The following SLC24A2 variants were observed in gnomAD, a reference collection of about 807,000 sequenced individuals.
SLC24A2 encodes solute carrier family 24 member 2, also known as sodium/potassium/calcium exchanger 2.
A neutral mutation model predicts 62.0 loss-of-function variants in SLC24A2; 36 were observed. The ratio of observed to expected loss-of-function variants is 0.58; its 90% CI spans 0.44 to 0.77. SLC24A2 has a LOEUF of 0.77. Ranked by LOEUF, SLC24A2 falls within the 30% of genes least tolerant of loss-of-function variation. The pLI is 0.00. For missense variants in SLC24A2, 846 were observed against 817.9 expected, an observed-to-expected ratio of 1.03 and a Z score of -0.42; for synonymous variants, 358 against 294.0, an observed-to-expected ratio of 1.22 and a Z score of -2.23.
At chr9:20,298,213 G>A in the SLC24A2 span, among the ~76,000 whole-genome samples, 1 of 152,100 alleles carries the variant, frequency 6.6e-6, no homozygotes, top group Non-Finnish European at 1.5e-5. Flanking sequence ...GGAAATTGAG[G>A]TTCAGAAAGA....
chr9:20,230,195 C>T, the SLC24A2 span, among the ~76,000 whole-genome samples: 17 of 152,176 alleles, frequency 1.1e-4, no homozygotes, highest in East Asian at 1.7e-3. Context: ...TATAAACATA[C>T]GTGTGCATGT....
the SLC24A2 span, among the ~76,000 whole-genome samples, chr9:19,941,913 A>T: frequency 3.9e-4 from 59 of 152,318 alleles, no homozygotes; most frequent in Admixed American, 1.9e-3. Flanking sequence ...ATGTGCATGT[A>T]TACATATGCA....
chr9:20,276,993 G>T, the SLC24A2 span, among the ~76,000 whole-genome samples: 5 of 152,204 alleles, frequency 3.3e-5, no homozygotes, highest in African/African-American at 1.2e-4. Flanking sequence ...GATGGGAAGG[G>T]CTGCCTTGAA....
rs571049921 is a variant in SLC24A2 at position 19,543,503 on chromosome 9, A to G, written c.1479+6634T>C. Among the ~76,000 whole-genome samples the G allele has an allele frequency of 2.7e-5, 4 of 149,612 alleles. No individual in the cohort carries two copies. In the East Asian group the frequency reaches 5.9e-4, roughly 22 times the overall value. On this transcript the variant is annotated intron_variant, in intron 8 of 10. Transcript: ENST00000341998. The stretch of plus-strand genomic sequence containing the variant: ...TGAATTTGTTTGCTCTTGCTTCTCT[A>G]GTTCTTTTAATTTTGATGTTAGGGT...
At chr9:19,545,637 T>G (rs533535505) in intron 8 of SLC24A2, among the ~76,000 whole-genome samples, 4 of 150,360 alleles carry the variant, frequency 2.7e-5, no homozygotes, top group East Asian at 2.0e-4. Flanking sequence ...TATTTTTTAG[T>G]TTTTTTTTCT....
chr9:19,661,509 AAAGC>A (rs68189778), intron 2 of SLC24A2, among the ~76,000 whole-genome samples: 32,422 of 152,054 alleles, frequency 0.21, 4,017 homozygotes, highest in Non-Finnish European at 0.29. Flanking sequence ...AAGTATTTTA[AAAGC>A]AAGAATGAAA....
Position 19,725,428 on chromosome 9 carries a change from A to G in SLC24A2, c.930+60509T>C, listed in dbSNP as rs149780259. On this transcript the variant is annotated intron_variant, in intron 2 of 10. Transcript: ENST00000341998. ...GTAGTTTAGGTAAGAATTTGGCTCA[A>G]CATTTTATTTTTATTCTATCTTGGC... Among the ~76,000 whole-genome samples the G allele has an allele frequency of 4.1e-3, 626 of 152,306 alleles. 8 individuals are homozygous for G. The highest frequency in any genetic ancestry group is 0.014 in the African/African-American group (590 of 41,574).
At chr9:20,052,215 A>T in the SLC24A2 span, among the ~76,000 whole-genome samples, 2 of 152,184 alleles carry the variant, frequency 1.3e-5, no homozygotes, top group Non-Finnish European at 2.9e-5. Context: ...CTCTTCTCTC[A>T]TCTCAGTAAA....
At chr9:19,813,433 G>T in the SLC24A2 span, among the ~76,000 whole-genome samples, 1 of 133,728 alleles carries the variant, frequency 7.5e-6, no homozygotes, top group African/African-American at 2.8e-5. Context: ...AGTGATTCTT[G>T]TGCCTCCCTG....
chr9:19,905,331 C>A, the SLC24A2 span, among the ~76,000 whole-genome samples: 6 of 152,054 alleles, frequency 3.9e-5, no homozygotes, highest in Non-Finnish European at 8.8e-5. Flanking sequence ...TCCAGAGCAA[C>A]TTTTCTCTTG....
intron 2 of SLC24A2, among the ~76,000 whole-genome samples, chr9:19,623,894 T>A (rs756326406): frequency 3.3e-5 from 5 of 152,308 alleles, no homozygotes; most frequent in African/African-American, 4.8e-5. Flanking sequence ...GCACAGCCTG[T>A]GGGCATCACT....
the SLC24A2 span, among the ~76,000 whole-genome samples, chr9:20,260,563 A>C: frequency 6.6e-6 from 1 of 152,218 alleles, no homozygotes; most frequent in Admixed American, 6.5e-5. Context: ...TCAGGATTAA[A>C]ACACTGTCTT....
At position 19,631,377 on chromosome 9, in the gene SLC24A2, C is replaced by A. The variant is rs78628365; in HGVS notation, c.931-9078G>T. ...CTCCCAGGTATCTGGCATGTGTGCT[C>A]TGACTAGGTCACTACTTCCTCATTC... On this transcript the variant is annotated intron_variant, in intron 2 of 10. Coordinates refer to ENST00000341998, the MANE Select transcript of SLC24A2 (RefSeq NM_020344.4). Among the ~76,000 whole-genome samples the A allele has an allele frequency of 3.1e-3, 471 of 152,242 alleles. 3 individuals are homozygous for A. The highest frequency in any genetic ancestry group is 0.01 in the African/African-American group (425 of 41,536).
At chr9:20,230,390 C>T in the SLC24A2 span, among the ~76,000 whole-genome samples, 1 of 152,304 alleles carries the variant, frequency 6.6e-6, no homozygotes, top group Middle Eastern at 3.4e-3. Context: ...TCCTCTCCAG[C>T]ACCTGTGGTT....
At chr9:19,673,843 G>A (rs1201262107) in intron 2 of SLC24A2, among the ~76,000 whole-genome samples, 1 of 152,130 alleles carries the variant, frequency 6.6e-6, no homozygotes, top group Non-Finnish European at 1.5e-5. Flanking sequence ...CTTTTAAGTG[G>A]AGTATTTAGG....
At chr9:20,085,932 C>T in the SLC24A2 span, among the ~76,000 whole-genome samples, 8 of 152,068 alleles carry the variant, frequency 5.3e-5, no homozygotes, top group Non-Finnish European at 1.2e-4. Flanking sequence ...TATAGTCGAG[C>T]AAATGCATGG....
At chr9:20,090,400 C>T in the SLC24A2 span, among the ~76,000 whole-genome samples, 14 of 152,266 alleles carry the variant, frequency 9.2e-5, no homozygotes, top group Admixed American at 7.2e-4. Context: ...AAGTTGCGAT[C>T]TACAGCCAGC....
At chr9:19,989,817 G>A in the SLC24A2 span, among the ~76,000 whole-genome samples, 3 of 152,166 alleles carry the variant, frequency 2.0e-5, no homozygotes, top group Admixed American at 1.3e-4. Flanking sequence ...GCTTTGTAAC[G>A]ATAAGTTCTT....
chr9:19,653,291 C>T (rs1248055325), intron 2 of SLC24A2, among the ~76,000 whole-genome samples: 2 of 152,184 alleles, frequency 1.3e-5, no homozygotes, highest in Non-Finnish European at 2.9e-5. Context: ...TCTGTTAGGA[C>T]ACTTAATCAC....
Sources: allele counts gnomAD v4.1 joint callset (sites outside exome capture counted in the v4.1 genomes callset), GRCh38; gene constraint gnomAD v4.1.1; transcripts MANE v1.5; gene names NCBI Gene and HGNC (gene_info 2026-07-23, HGNC 2026-07-21).